The following PAPSS2 variants were observed in gnomAD, a reference collection of about 807,000 sequenced individuals.
PAPSS2 encodes bifunctional 3'-phosphoadenosine 5'-phosphosulfate synthase 2.
PAPSS2 carries 61 observed loss-of-function variants against 66.5 expected under a neutral mutation model. That is an observed-to-expected ratio of 0.92 (90% CI 0.75 to 1.14). The LOEUF is 1.14. PAPSS2 is among the 50% of genes most tolerant of loss of function. The pLI is 0.00. For synonymous variants in PAPSS2, 289 were observed against 287.5 expected, an observed-to-expected ratio of 1.01 and a Z score of -0.05; for missense variants, 708 against 789.6, an observed-to-expected ratio of 0.90 and a Z score of 1.24.
At chr10:87,733,553 T>C (rs1311742273) in intron 9 of PAPSS2, among the ~76,000 whole-genome samples, 1 of 152,160 alleles carries the variant, frequency 6.6e-6, no homozygotes, top group African/African-American at 2.4e-5. Context: ...GTTTATAGCC[T>C]TTAGCTCCAC....
intron 8 of PAPSS2, among the ~76,000 whole-genome samples, chr10:87,721,997 G>A (rs1327019678): frequency 6.6e-6 from 1 of 152,120 alleles, no homozygotes; most frequent in Non-Finnish European, 1.5e-5. Context: ...GTATGATGTA[G>A]CATTTGGCTG....
At chr10:87,684,079 T>C (rs1422691884) in intron 1 of PAPSS2, among the ~76,000 whole-genome samples, 2 of 152,250 alleles carry the variant, frequency 1.3e-5, no homozygotes, top group African/African-American at 2.4e-5. Context: ...TGAATTCTTT[T>C]ACAATCACTC....
At chr10:87,708,767 C>T (rs1294129789) in intron 1 of PAPSS2, among the ~76,000 whole-genome samples, 1 of 152,004 alleles carries the variant, frequency 6.6e-6, no homozygotes, top group Non-Finnish European at 1.5e-5. Context: ...ATTCTGTTTG[C>T]CAATTATAGA....
chr10:87,726,655 A>G (rs540661261), intron 8 of PAPSS2, among the ~76,000 whole-genome samples: 3 of 152,308 alleles, frequency 2.0e-5, no homozygotes, highest in African/African-American at 2.4e-5. Flanking sequence ...AAAAAGGTGA[A>G]TGAGGTATTA....
At chr10:87,686,104 A>G (rs1449264267) in intron 1 of PAPSS2, among the ~76,000 whole-genome samples, 1 of 149,906 alleles carries the variant, frequency 6.7e-6, no homozygotes, top group East Asian at 1.9e-4. Flanking sequence ...AAAAATAAGA[A>G]GTGATTTTGG....
chr10:87,739,123 A>G (rs1853835595), intron 9 of PAPSS2, among the ~76,000 whole-genome samples: 1 of 151,994 alleles, frequency 6.6e-6, no homozygotes, highest in African/African-American at 2.4e-5. Context: ...ATTTTTTGTA[A>G]GAGTTTAATA....
At chr10:87,744,915 T>C in intron 11 of PAPSS2, 87 bp from the exon 12 acceptor site, 1 of 1,148,278 alleles carries the variant, frequency 8.7e-7, no homozygotes, top group African/African-American at 1.5e-5. Context: ...TGAATTACTT[T>C]TAAAGTAGAA....
chr10:87,743,519 G>C lies in PAPSS2; in HGVS notation c.1369G>C (p.Asp457His), dbSNP rs1185230036. ...TCTGGGCGGCTGGACCAAGGATGAC[G>C]ATGTGCCTCTAGACTGGCGGATGAA... is the stretch of plus-strand genomic sequence containing the variant. ...HPLGGWTKDD[D>H]VPLDWRMKQH... The change falls in exon 11 of 13, where the codon GAT (aspartate) becomes CAT (histidine). Residue 457 changes from aspartate to histidine, a missense_variant. Transcript: ENST00000456849. 6.2e-7 allele frequency: 1 copy of C among 1,614,028 alleles called. No individual in the cohort carries two copies. Among genetic ancestry groups the C allele is most frequent in the Non-Finnish European group, 8.5e-7 (1 of 1,180,024 alleles).
intron 10 of PAPSS2, among the ~76,000 whole-genome samples, chr10:87,742,354 C>T (rs1853880257): frequency 6.6e-6 from 1 of 152,110 alleles, no homozygotes. Flanking sequence ...TCTCTGGCAG[C>T]ACATGCCCCA....
intron 1 of PAPSS2, among the ~76,000 whole-genome samples, chr10:87,663,142 C>T (rs150973956): frequency 0.012 from 1,467 of 124,012 alleles, 43 homozygotes; most frequent in African/African-American, 0.044. Flanking sequence ...GATGGAGTCT[C>T]GCTCTGTCAC....
chr10:87,722,572 G>T (rs2131717003), intron 8 of PAPSS2, among the ~76,000 whole-genome samples: 1 of 152,282 alleles, frequency 6.6e-6, no homozygotes, highest in East Asian at 1.9e-4. Context: ...ACTTACTGTG[G>T]TTAAAGAACC....
chr10:87,700,632 T>G (rs949432961), intron 1 of PAPSS2, among the ~76,000 whole-genome samples: 22 of 148,200 alleles, frequency 1.5e-4, no homozygotes, highest in African/African-American at 4.2e-4. Flanking sequence ...CACTGCAGCC[T>G]GGGTGACAGA....
In PAPSS2 at chr10:87,715,045, C is replaced by T. The variant is rs1853515977; in HGVS notation, c.700C>T (p.Leu234Phe). 1 of 1,613,494 alleles carries T rather than the reference C, an allele frequency of 6.2e-7. No homozygotes were observed. The highest frequency in any genetic ancestry group is 1.3e-5 in the African/African-American group (1 of 74,928). Reference protein sequence around the residue: ...IHELFVPENKLDHVRAEAETL... With the variant: ...IHELFVPENKFDHVRAEAETL... ...CGAACTCTTTGTGCCGGAAAACAAA[C>T]TTGACCACGTCCGAGCTGAGGCTGA... Residue 234 changes from leucine to phenylalanine, a missense_variant, in exon 6 of 13, where the codon CTT (leucine) becomes TTT (phenylalanine). Transcript: ENST00000456849.
intron 9 of PAPSS2, among the ~76,000 whole-genome samples, chr10:87,736,745 A>G (rs1380662132): frequency 6.6e-6 from 1 of 152,212 alleles, no homozygotes; most frequent in Non-Finnish European, 1.5e-5. Context: ...CTATGCCTTA[A>G]TCACAAACTG....
At position 87,744,627 on chromosome 10, in the gene PAPSS2, G is replaced by C. The variant is rs1853913579; in HGVS notation, c.1492-375G>C. ...AGCTCATTAATGGCAGTCAGATAAT[G>C]AGATACTAGAGTTGGTAATTTCCTT... On this transcript the variant is annotated intron_variant, in intron 11 of 12. Coordinates refer to ENST00000456849, the MANE Select transcript of PAPSS2 (RefSeq NM_001015880.2). 2.0e-5 allele frequency among the ~76,000 whole-genome samples: 3 copies of C among 152,312 alleles called. No individual in the cohort carries two copies. The South Asian group carries it at 6.2e-4, about 32-fold the overall frequency.
chr10:87,706,084 G>GTATATATATAAATA (rs1853380550), intron 1 of PAPSS2, among the ~76,000 whole-genome samples: 1 of 60,178 alleles, frequency 1.7e-5, no homozygotes, highest in Non-Finnish European at 2.9e-5. Context: ...TCTTCACATG[G>GTATATATATAAATA]TATATATATA....
chr10:87,697,867 T>C (rs17122183), intron 1 of PAPSS2, among the ~76,000 whole-genome samples: 270 of 152,310 alleles, frequency 1.8e-3, no homozygotes, highest in African/African-American at 6.2e-3. Context: ...ACATATGTGG[T>C]AGACAGAGGA....
intron 1 of PAPSS2, among the ~76,000 whole-genome samples, chr10:87,699,470 A>G (rs951648305): frequency 6.6e-6 from 1 of 152,090 alleles, no homozygotes; most frequent in Non-Finnish European, 1.5e-5. Context: ...TTATTTGTTC[A>G]CTTGATTTGG....
At position 87,743,518 on chromosome 10, in the gene PAPSS2, C is replaced by T. The variant is rs377483950; in HGVS notation, c.1368C>T (p.Asp456=). Residue 456 remains aspartate, a synonymous_variant, in exon 11 of 13, where the codon GAC becomes GAT. Coordinates refer to ENST00000456849, the MANE Select transcript of PAPSS2 (RefSeq NM_001015880.2). The stretch of plus-strand genomic sequence containing the variant: ...CTCTGGGCGGCTGGACCAAGGATGA[C>T]GATGTGCCTCTAGACTGGCGGATGA... ...LHPLGGWTKD[D]DVPLDWRMKQ... is the part of the protein sequence containing the mutation. The T allele has an allele frequency of 1.0e-4, 167 of 1,613,982 alleles. No homozygotes were observed. The highest frequency in any genetic ancestry group is 1.6e-4 in the Middle Eastern group (1 of 6,084).
Sources: gnomAD v4.1 joint callset for allele counts (sites outside exome capture counted in the v4.1 genomes callset) on GRCh38, gnomAD v4.1.1 for gene constraint, MANE v1.5 for transcripts, NCBI Gene and HGNC (gene_info 2026-07-23, HGNC 2026-07-21) for gene names.